The following FOXO1 variants were observed in gnomAD, a reference collection of about 807,000 sequenced individuals.
FOXO1 encodes forkhead box O1.
In FOXO1, 6 loss-of-function variants were observed where a neutral mutation model predicts 44.1. The ratio of observed to expected loss-of-function variants is 0.14; its 90% CI spans 0.07 to 0.27. FOXO1 has a LOEUF of 0.27. FOXO1 is among the 10% of genes least tolerant of loss of function. The pLI is 1.00. For missense variants in FOXO1, 737 were observed against 888.8 expected (o/e 0.83, Z 2.17); for synonymous variants, 380 against 362.7 (o/e 1.05, Z -0.54).
chr13:40,560,419 T>C lies in FOXO1; in HGVS notation c.1072A>G (p.Thr358Ala). ...CTTATCTCAGACAGACTGGGTAAAG[T>C]AGAGGCCATCTTTGCGGCAGATGGC... ...YPPSAAKMAS[T>A]LPSLSEISNP... Residue 358 changes from threonine to alanine, a missense_variant, in exon 2 of 3, where the codon ACT becomes GCT. By Grantham distance (58) the Thr-to-Ala change is moderately conservative. Transcript: ENST00000379561. This position sits in a 1 kb window ranked among gnomAD's most constrained non-coding sequence, Gnocchi z 5.1. 1.9e-6 allele frequency: 3 copies of C among 1,614,182 alleles called. No individual in the cohort carries two copies. Among genetic ancestry groups the C allele is most frequent in the Non-Finnish European group, 1.7e-6 (2 of 1,180,030 alleles).
At chr13:40,641,116 G>A (rs1449640285) in intron 1 of FOXO1, among the ~76,000 whole-genome samples, 1 of 152,054 alleles carries the variant, frequency 6.6e-6, no homozygotes. Context: ...CAACCCCACA[G>A]CAACAACAAG....
chr13:40,582,213 G>A (rs1164962725), intron 1 of FOXO1, among the ~76,000 whole-genome samples: 1 of 152,080 alleles, frequency 6.6e-6, no homozygotes, highest in Non-Finnish European at 1.5e-5. Flanking sequence ...GTGTGCAATA[G>A]CCATATTTTA....
Position 40,559,960 on chromosome 13 carries a change from C to A in FOXO1, c.1531G>T (p.Ala511Ser), listed in dbSNP as rs950162499. Residue 511 changes from alanine (A) to serine (S), a missense_variant, in exon 2 of 3, where the codon GCA (alanine) becomes TCA (serine). Ala to Ser is a moderately conservative substitution (Grantham distance 99, BLOSUM62 1). Transcript: ENST00000379561. ...GGATTCATCATTTTGTTATGAGATG[C>A]CTGGCTGCCATAGGTTGACATGACC... ...NSVMSTYGSQASHNKMMNPSS... is the reference protein window; with the variant it reads ...NSVMSTYGSQSSHNKMMNPSS... 88 of 1,613,964 alleles carry A rather than the reference C, an allele frequency of 5.5e-5. No individual in the cohort carries two copies. The East Asian group carries it at 2.0e-3, about 36-fold the overall frequency.
chr13:40,568,519 G>A (rs1388094352), intron 1 of FOXO1, among the ~76,000 whole-genome samples: 1 of 152,146 alleles, frequency 6.6e-6, no homozygotes, highest in Non-Finnish European at 1.5e-5. Flanking sequence ...CATTTTGTTT[G>A]CAAACAGAAG....
chr13:40,637,443 CAAAAAAAA>C (rs894457880), intron 1 of FOXO1, among the ~76,000 whole-genome samples: 3 of 52,578 alleles, frequency 5.7e-5, no homozygotes, highest in African/African-American at 1.4e-4. Flanking sequence ...GACTCCATCA[CAAAAAAAA>C]AAAAAAAAAA....
In FOXO1 at chr13:40,593,564, T is replaced by G. The variant is rs1401933089; in HGVS notation, c.631-32704A>C. ...ATATTTCAAGTTCACACTTCAACTA[T>G]GGTAAAATGTAAGTAATACATATTA... On this transcript the variant is annotated intron_variant, in intron 1 of 2. Transcript: ENST00000379561. 2.0e-5 allele frequency among the ~76,000 whole-genome samples: 3 copies of G among 152,324 alleles called. No individual in the cohort carries two copies. The East Asian group carries it at 5.8e-4, about 29-fold the overall frequency.
intron 1 of FOXO1, among the ~76,000 whole-genome samples, chr13:40,590,352 T>A (rs1382133450): frequency 6.6e-6 from 1 of 152,182 alleles, no homozygotes; most frequent in Non-Finnish European, 1.5e-5. Flanking sequence ...AACAGAAACC[T>A]TCTCCTTGCT....
intron 1 of FOXO1, among the ~76,000 whole-genome samples, chr13:40,656,894 G>A (rs911037113): frequency 6.0e-5 from 9 of 151,180 alleles, no homozygotes; most frequent in Non-Finnish European, 8.8e-5. Flanking sequence ...GCAGTGGCAC[G>A]ATCCAGGCTC....
intron 1 of FOXO1, among the ~76,000 whole-genome samples, chr13:40,585,343 G>GCGCGCGCGCACACA (rs10623475): frequency 8.2e-5 from 12 of 147,020 alleles, no homozygotes; most frequent in African/African-American, 3.0e-4. Context: ...CTGCGCGCGC[G>GCGCGCGCGCACACA]CACACACACA....
intron 1 of FOXO1, among the ~76,000 whole-genome samples, chr13:40,661,706 A>T (rs1210541578): frequency 1.3e-5 from 2 of 152,212 alleles, no homozygotes; most frequent in African/African-American, 4.8e-5. Flanking sequence ...AAATGTGACC[A>T]TGCAACAAAA....
chr13:40,651,763 A>T (rs1388424743), intron 1 of FOXO1, among the ~76,000 whole-genome samples: 2 of 151,976 alleles, frequency 1.3e-5, no homozygotes, highest in Non-Finnish European at 2.9e-5. Flanking sequence ...AGGTCCTACA[A>T]AATTCATTCT....
At chr13:40,644,342 G>A (rs536185690) in intron 1 of FOXO1, among the ~76,000 whole-genome samples, 34 of 152,272 alleles carry the variant, frequency 2.2e-4, no homozygotes, top group African/African-American at 7.5e-4. Flanking sequence ...ACCCCAAGGG[G>A]AGCCAAGTAG....
intron 1 of FOXO1, among the ~76,000 whole-genome samples, chr13:40,660,039 T>C (rs553324734): frequency 6.6e-6 from 1 of 152,320 alleles, no homozygotes; most frequent in East Asian, 1.9e-4. Context: ...AGCATATCCC[T>C]TAGGCATCAA....
intron 1 of FOXO1, among the ~76,000 whole-genome samples, chr13:40,585,213 A>AT (rs1183679068): frequency 6.6e-6 from 1 of 152,228 alleles, no homozygotes; most frequent in African/African-American, 2.4e-5. Flanking sequence ...TTAAGTCATC[A>AT]TTGTTTTTCA....
intron 1 of FOXO1, among the ~76,000 whole-genome samples, chr13:40,582,903 G>A (rs775155269): frequency 2.6e-5 from 4 of 152,134 alleles, no homozygotes; most frequent in Admixed American, 6.5e-5. Flanking sequence ...CATCTACAAT[G>A]CTAAATCCTT....
At position 40,664,934 on chromosome 13, in the gene FOXO1, C is replaced by A. The variant is rs569395208; in HGVS notation, c.630+649G>T. Among the ~76,000 whole-genome samples, 16 of 151,972 alleles carry A rather than the reference C, an allele frequency of 1.1e-4. 1 individual carries two copies. The highest frequency in any genetic ancestry group is 3.4e-3 in the Middle Eastern group (1 of 292). On this transcript the variant is annotated intron_variant, in intron 1 of 2. Transcript: ENST00000379561. ...GCGGTGGCCGCCCCTTCGCACGTGT[C>A]GGAGGCACCACCTCGGGCTCGGGAC...
chr13:40,627,132 T>C (rs766309099), intron 1 of FOXO1, among the ~76,000 whole-genome samples: 6 of 152,170 alleles, frequency 3.9e-5, no homozygotes, highest in Non-Finnish European at 8.8e-5. Flanking sequence ...CAAGCAATTT[T>C]ACCAACAATT....
Position 40,617,697 on chromosome 13 carries a change from A to G in FOXO1, c.630+47886T>C, listed in dbSNP as rs183090164. 9.0e-4 allele frequency among the ~76,000 whole-genome samples: 137 copies of G among 151,968 alleles called. 1 individual carries two copies. The East Asian group carries it at 0.012, about 13-fold the overall frequency. On this transcript the variant is annotated intron_variant, in intron 1 of 2. Transcript: ENST00000379561. ...AAGGAATACCAAACATGTTGGGGGG[A>G]AAAAAAATGACCTGAAAATAGGAAA...
At chr13:40,622,661 G>C (rs1010259072) in intron 1 of FOXO1, among the ~76,000 whole-genome samples, 1 of 152,104 alleles carries the variant, frequency 6.6e-6, no homozygotes, top group African/African-American at 2.4e-5. Flanking sequence ...GTGCAAAATG[G>C]GGCCAATAAT....
Sources: allele counts gnomAD v4.1 joint callset (sites outside exome capture counted in the v4.1 genomes callset), GRCh38; gene constraint gnomAD v4.1.1; non-coding constraint Gnocchi (gnomAD v3.1); transcripts MANE v1.5; gene names NCBI Gene and HGNC (gene_info 2026-07-23, HGNC 2026-07-21).